TRIQK: variants seen among roughly 807,000 people sequenced by gnomAD.
The protein encoded by TRIQK is triple QxxK/R motif containing.
TRIQK carries 10 observed loss-of-function variants against 10.8 expected under a neutral mutation model. The ratio of observed to expected loss-of-function variants is 0.92; its 90% CI spans 0.57 to 1.57. TRIQK has a LOEUF of 1.57. Among genes scored for constraint, TRIQK ranks in the 40% most tolerant of loss-of-function variants. TRIQK has a pLI of 0.00. For synonymous variants in TRIQK, 33 were observed against 33.7 expected (o/e 0.98, Z 0.07); for missense variants, 107 against 97.7 (o/e 1.09, Z -0.40).
At chr8:92,944,814 C>G (rs963719609) in intron 2 of TRIQK, among the ~76,000 whole-genome samples, 1 of 152,016 alleles carries the variant, frequency 6.6e-6, no homozygotes, top group East Asian at 1.9e-4. Context: ...CTAAGGTTAA[C>G]AAATATGGTA....
chr8:92,956,349 G>C (rs936309040), intron 1 of TRIQK, among the ~76,000 whole-genome samples: 139 of 151,838 alleles, frequency 9.2e-4, no homozygotes, highest in African/African-American at 3.1e-3. Context: ...AAGGTCAATA[G>C]AGAAAGAAAA....
chr8:92,986,882 TTG>T (rs1348008938), intron 1 of TRIQK, among the ~76,000 whole-genome samples: 1 of 152,174 alleles, frequency 6.6e-6, no homozygotes, highest in Non-Finnish European at 1.5e-5. Flanking sequence ...GTTAAGATGG[TTG>T]TCCTCTAATA....
intron 2 of TRIQK, among the ~76,000 whole-genome samples, chr8:92,941,636 A>C (rs1475895027): frequency 6.6e-6 from 1 of 152,180 alleles, no homozygotes; most frequent in Admixed American, 6.5e-5. Flanking sequence ...AAAAGTCAAC[A>C]AATGAAGAGT....
chr8:92,993,978 G>A (rs373654999), intron 1 of TRIQK, among the ~76,000 whole-genome samples: 6 of 152,086 alleles, frequency 3.9e-5, no homozygotes, highest in Non-Finnish European at 5.9e-5. Context: ...ACACTTCCTC[G>A]GGCAGTTGGA....
chr8:92,919,158 T>C (rs1473951559), intron 2 of TRIQK, among the ~76,000 whole-genome samples: 1 of 151,876 alleles, frequency 6.6e-6, no homozygotes, highest in Non-Finnish European at 1.5e-5. Flanking sequence ...GATAGTGTGA[T>C]TCTCTGGCTT....
intron 1 of TRIQK, chr8:92,963,401 A>G (rs1445408728): frequency 6.6e-6 from 1 of 152,112 alleles, no homozygotes; most frequent in Non-Finnish European, 1.5e-5. Flanking sequence ...AAAGAGCCAC[A>G]GTGAAAACAA....
intron 3 of TRIQK, among the ~76,000 whole-genome samples, chr8:92,913,632 G>A (rs1173197791): frequency 1.3e-5 from 2 of 152,066 alleles, no homozygotes; most frequent in Non-Finnish European, 2.9e-5. Flanking sequence ...TATACCCAAA[G>A]GATTATAAAT....
intron 2 of TRIQK, among the ~76,000 whole-genome samples, chr8:92,948,869 T>C (rs575242703): frequency 6.6e-6 from 1 of 152,342 alleles, no homozygotes; most frequent in South Asian, 2.1e-4. Flanking sequence ...TGCCTCCTTA[T>C]ATATTCTAAA....
intron 2 of TRIQK, among the ~76,000 whole-genome samples, chr8:92,948,502 G>A (rs1482373528): frequency 6.6e-6 from 1 of 152,120 alleles, no homozygotes; most frequent in African/African-American, 2.4e-5. Flanking sequence ...TGAATTCATT[G>A]CAACAATATG....
intron 2 of TRIQK, among the ~76,000 whole-genome samples, chr8:92,926,676 T>C (rs1195326688): frequency 6.6e-6 from 1 of 152,186 alleles, no homozygotes; most frequent in African/African-American, 2.4e-5. Context: ...TGAGTCACTT[T>C]AACAAGAAAA....
In TRIQK at chr8:92,914,608, A is replaced by C. The variant is rs189265601; in HGVS notation, c.61+2321T>G. On this transcript the variant is annotated intron_variant, in intron 3 of 4. Transcript: ENST00000521988. ...GTCTGAATAGACATTTCTCCAAAGA[A>C]AATGGAGAAAATGACAAACAGGTAC... Among the ~76,000 whole-genome samples the C allele has an allele frequency of 1.2e-4, 19 of 152,316 alleles. No individual in the cohort carries two copies. In the East Asian group the frequency reaches 2.9e-3, roughly 23 times the overall value.
chr8:92,899,570 A>G (rs1217007778), intron 3 of TRIQK, among the ~76,000 whole-genome samples: 1 of 152,138 alleles, frequency 6.6e-6, no homozygotes, highest in Admixed American at 6.5e-5. Context: ...TGTTGTCGCA[A>G]ATGACAGGAT....
chr8:92,998,415 G>T (rs563396081), intron 1 of TRIQK, among the ~76,000 whole-genome samples: 1 of 151,944 alleles, frequency 6.6e-6, no homozygotes, highest in Non-Finnish European at 1.5e-5. Flanking sequence ...TTTGATAATA[G>T]AACAGTTTAC....
At chr8:92,986,927 G>A (rs1270635130) in intron 1 of TRIQK, among the ~76,000 whole-genome samples, 1 of 152,122 alleles carries the variant, frequency 6.6e-6, no homozygotes, top group African/African-American at 2.4e-5. Flanking sequence ...ATCATATCTT[G>A]AAAGTATTAT....
intron 3 of TRIQK, among the ~76,000 whole-genome samples, chr8:92,894,039 T>C (rs2130284831): frequency 6.6e-6 from 1 of 152,264 alleles, no homozygotes; most frequent in East Asian, 1.9e-4. Flanking sequence ...GGTTAAATAA[T>C]GTATTCTATT....
intron 2 of TRIQK, among the ~76,000 whole-genome samples, chr8:92,946,962 T>A (rs771931644): frequency 1.3e-5 from 2 of 151,726 alleles, no homozygotes; most frequent in South Asian, 2.1e-4. Context: ...AGATGGGGTT[T>A]CACCGTGTTA....
In TRIQK at chr8:92,913,096, A is replaced by G. The variant is rs562319281; in HGVS notation, c.61+3833T>C. ...AACAAAATTCAACAGCACATAAAAC[A>G]GATCATATACAATGACCAAGTGGGA... On this transcript the variant is annotated intron_variant, in intron 3 of 4. Coordinates refer to ENST00000521988, the MANE Select transcript of TRIQK (RefSeq NM_001171797.2). 5.3e-5 allele frequency among the ~76,000 whole-genome samples: 8 copies of G among 152,318 alleles called. No individual in the cohort carries two copies. The South Asian group carries it at 6.2e-4, about 12-fold the overall frequency.
At chr8:92,929,526 C>T (rs1236229796) in intron 2 of TRIQK, 1 of 152,040 alleles carries the variant, frequency 6.6e-6, no homozygotes. Context: ...ATTGTTGTGG[C>T]ATCTGGACAC....
intron 4 of TRIQK, among the ~76,000 whole-genome samples, chr8:92,887,895 A>G (rs2130233412): frequency 6.6e-6 from 1 of 151,820 alleles, no homozygotes. Context: ...AATATTAATA[A>G]AAACCAAGAG....
Sources: gnomAD v4.1 joint callset for allele counts (sites outside exome capture counted in the v4.1 genomes callset) on GRCh38, gnomAD v4.1.1 for gene constraint, MANE v1.5 for transcripts, NCBI Gene and HGNC (gene_info 2026-07-23, HGNC 2026-07-21) for gene names.